Variants in PDE6D observed in about 807,000 individuals in gnomAD.
The protein encoded by PDE6D is retinal rod rhodopsin-sensitive cGMP 3',5'-cyclic phosphodiesterase subunit delta.
Under a neutral mutation model 21.9 loss-of-function variants are expected in PDE6D, and 10 were observed. The ratio of observed to expected loss-of-function variants is 0.46; its 90% CI spans 0.28 to 0.78. PDE6D has a LOEUF of 0.78. Ranked by LOEUF, PDE6D falls within the 30% of genes least tolerant of loss-of-function variation. The pLI is 0.12. For missense variants in PDE6D, 139 were observed against 184.8 expected, an observed-to-expected ratio of 0.75 and a Z score of 1.44; for synonymous variants, 59 against 63.5, an observed-to-expected ratio of 0.93 and a Z score of 0.34.
intron 1 of PDE6D, among the ~76,000 whole-genome samples, chr2:231,771,846 T>C (rs904548062): frequency 2.6e-5 from 4 of 152,236 alleles, no homozygotes; most frequent in African/African-American, 9.6e-5. Flanking sequence ...TAAGAAAGGC[T>C]GTCACCAAAT....
intron 1 of PDE6D, among the ~76,000 whole-genome samples, chr2:231,759,056 G>A (rs567217847): frequency 3.3e-5 from 5 of 152,226 alleles, no homozygotes; most frequent in South Asian, 2.1e-4. Context: ...GGTGGCTCAC[G>A]CTTGTAGTCC....
chr2:231,767,789 T>C (rs1171067662), intron 1 of PDE6D, among the ~76,000 whole-genome samples: 1 of 152,144 alleles, frequency 6.6e-6, no homozygotes, highest in East Asian at 1.9e-4. Context: ...TATTTCCTCA[T>C]GTATTCATTT....
At chr2:231,775,386 T>C (rs2049047289) in intron 1 of PDE6D, among the ~76,000 whole-genome samples, 1 of 151,980 alleles carries the variant, frequency 6.6e-6, no homozygotes, top group African/African-American at 2.4e-5. Context: ...CTTGGCTCAC[T>C]GCGACCTCCA....
At chr2:231,755,527 G>T (rs2048876204) in intron 1 of PDE6D, among the ~76,000 whole-genome samples, 1 of 152,074 alleles carries the variant, frequency 6.6e-6, no homozygotes, top group South Asian at 2.1e-4. Flanking sequence ...AGGAGTTCAA[G>T]ATCAGCCTGG....
intron 1 of PDE6D, among the ~76,000 whole-genome samples, chr2:231,758,104 A>G (rs1220997311): frequency 6.6e-6 from 1 of 152,162 alleles, no homozygotes. Flanking sequence ...TTTTTTAGTC[A>G]TTAGCTTTGC....
At chr2:231,765,242 C>A (rs552296507) in intron 1 of PDE6D, among the ~76,000 whole-genome samples, 1 of 152,176 alleles carries the variant, frequency 6.6e-6, no homozygotes, top group South Asian at 2.1e-4. Context: ...CACTGCACTT[C>A]AGCCTGGGTG....
intron 1 of PDE6D, chr2:231,778,905 G>T (rs1467295107): frequency 6.6e-6 from 1 of 152,212 alleles, no homozygotes; most frequent in Non-Finnish European, 1.5e-5. Context: ...GCTGGTGGGA[G>T]AACATAATGG....
At chr2:231,771,667 T>C (rs930266418) in intron 1 of PDE6D, among the ~76,000 whole-genome samples, 11 of 152,212 alleles carry the variant, frequency 7.2e-5, no homozygotes, top group Non-Finnish European at 5.9e-5. Context: ...TCCTTGACTC[T>C]GAATCAGTTG....
At chr2:231,733,810 C>T (rs540027944) in intron 4 of PDE6D, among the ~76,000 whole-genome samples, 56 of 152,112 alleles carry the variant, frequency 3.7e-4, no homozygotes, top group African/African-American at 1.3e-3. Flanking sequence ...GGAAGAATTT[C>T]ATTTTTCTTG....
intron 1 of PDE6D, among the ~76,000 whole-genome samples, chr2:231,744,530 T>A (rs1419513909): frequency 6.7e-6 from 1 of 149,666 alleles, no homozygotes; most frequent in African/African-American, 2.5e-5. Flanking sequence ...GCCTCCCGGG[T>A]TCAAGTGATT....
In PDE6D at chr2:231,739,040, T is replaced by C; in HGVS notation, c.139+60A>G. ...GGTATGTGTTAACTTAGCTCTCTTA[T>C]GCTCAGGTGCTAGTCTGGCATTGGT... On this transcript the variant is annotated intron_variant, in intron 2 of 4. Coordinates refer to ENST00000287600, the MANE Select transcript of PDE6D (RefSeq NM_002601.4). The surrounding 1 kb of genome is among the most constrained non-coding windows in gnomAD (Gnocchi z 4.2). The C allele has an allele frequency of 9.4e-7, 1 of 1,060,184 alleles. No individual in the cohort carries two copies. Among genetic ancestry groups the C allele is most frequent in the South Asian group, 1.3e-5 (1 of 77,684 alleles). 65.7% of individuals were successfully genotyped at this position (1,060,184 alleles called of 1,614,324 possible). A position where few individuals can be genotyped will look rare whatever the true frequency, so the allele number is the denominator to read the frequency against.
At chr2:231,746,803 A>G (rs1359895199) in intron 1 of PDE6D, among the ~76,000 whole-genome samples, 1 of 152,122 alleles carries the variant, frequency 6.6e-6, no homozygotes, top group African/African-American at 2.4e-5. Context: ...GTGAAGGGGA[A>G]AAAAAGACTG....
At chr2:231,779,068 C>T (rs2049080186) in intron 1 of PDE6D, 1 of 152,252 alleles carries the variant, frequency 6.6e-6, no homozygotes, top group Non-Finnish European at 1.5e-5. Context: ...CATATCTTAA[C>T]ATTCCTGCTT....
intron 1 of PDE6D, among the ~76,000 whole-genome samples, chr2:231,751,258 T>C (rs953014769): frequency 1.3e-5 from 2 of 152,158 alleles, no homozygotes; most frequent in African/African-American, 4.8e-5. Context: ...CCAGGCTCAA[T>C]TGATCCTCCC....
At position 231,737,203 on chromosome 2, in the gene PDE6D, G is replaced by T; in HGVS notation, c.355C>A (p.Pro119Thr). 1 of 1,602,976 alleles carries T rather than the reference G, an allele frequency of 6.2e-7. No homozygotes were observed. The highest frequency in any genetic ancestry group is 8.5e-7 in the Non-Finnish European group (1 of 1,169,988). The change falls in exon 4 of 5, where the codon CCA becomes ACA. Residue 119 changes from proline (P) to threonine (T), a missense_variant. Coordinates refer to ENST00000287600, the MANE Select transcript of PDE6D (RefSeq NM_002601.4). ...CTCACTCACGTTAAGACGCTTGCTG[G>T]CATCATCTGGGACTCGGGTGCTGCC... ...IEAAPESQMM[P>T]ASVLTGNVII...
rs80193946 is a variant in PDE6D, at chr2:231,744,374, T to C, written c.51-5186A>G. ...GAAGTAGCTAAAAATACATGGTTGATTTCCACAACATGAATGTCTTTTCTC... is the reference window on the plus strand; with the variant it reads ...GAAGTAGCTAAAAATACATGGTTGACTTCCACAACATGAATGTCTTTTCTC... On this transcript the variant is annotated intron_variant, in intron 1 of 4. Coordinates refer to ENST00000287600, the MANE Select transcript of PDE6D (RefSeq NM_002601.4). Among the ~76,000 whole-genome samples the C allele has an allele frequency of 4.5e-3, 686 of 152,348 alleles. 4 individuals are homozygous for C. The highest frequency in any genetic ancestry group is 6.7e-3 in the Non-Finnish European group (455 of 68,026).
intron 1 of PDE6D, among the ~76,000 whole-genome samples, chr2:231,764,777 T>C (rs186086567): frequency 6.6e-6 from 1 of 152,318 alleles, no homozygotes; most frequent in East Asian, 1.9e-4. Context: ...GAGAGTACCA[T>C]GAATATATTA....
chr2:231,743,475 G>T (rs2048767354), intron 1 of PDE6D, among the ~76,000 whole-genome samples: 1 of 151,670 alleles, frequency 6.6e-6, no homozygotes, highest in Non-Finnish European at 1.5e-5. Flanking sequence ...ATAACAAAGG[G>T]TTATTCAGCA....
chr2:231,737,836 AGCTTTGTTTT>A, intron 3 of PDE6D, 167 bp downstream of exon 3: 1 of 599,006 alleles, frequency 1.7e-6, no homozygotes, highest in East Asian at 3.0e-5. Flanking sequence ...TGTAGTGGCT[AGCTTTGTTTT>A]GGTTTGTTTC....
Sources: gnomAD v4.1 joint callset for allele counts (sites outside exome capture counted in the v4.1 genomes callset) on GRCh38, gnomAD v4.1.1 for gene constraint, Gnocchi (gnomAD v3.1) non-coding constraint, MANE v1.5 for transcripts, NCBI Gene and HGNC (gene_info 2026-07-23, HGNC 2026-07-21) for gene names.